MALRD1: variants seen among roughly 807,000 people sequenced by gnomAD.
MALRD1 encodes the protein MAM and LDL-receptor class A domain-containing protein 1.
A neutral mutation model predicts 242.1 loss-of-function variants in MALRD1; 247 were observed. The observed-to-expected ratio is 1.02, with a 90% CI of 0.92 to 1.13. The LOEUF is 1.13. Ranked by LOEUF, MALRD1 falls within the 50% of genes most tolerant of loss-of-function variation. The probability of loss-of-function intolerance (pLI) is 0.00; values close to 1 mark genes in which losing one functional copy is unlikely to be tolerated. For synonymous variants in MALRD1, 995 were observed against 866.6 expected (o/e 1.15, Z -2.60); for missense variants, 2,989 against 2,533.1 (o/e 1.18, Z -3.86).
At chr10:19,207,217 G>A (rs2131623294) in intron 17 of MALRD1, among the ~76,000 whole-genome samples, 1 of 152,136 alleles carries the variant, frequency 6.6e-6, no homozygotes. Context: ...AAGCTAAAAT[G>A]TAGAACTACT....
At chr10:19,628,044 T>C (rs1839746080) in intron 36 of MALRD1, among the ~76,000 whole-genome samples, 1 of 151,818 alleles carries the variant, frequency 6.6e-6, no homozygotes, top group African/African-American at 2.4e-5. Flanking sequence ...ATTGCACTAA[T>C]GCATAAATGC....
intron 28 of MALRD1, among the ~76,000 whole-genome samples, chr10:19,415,142 A>G (rs985365302): frequency 2.0e-5 from 3 of 152,216 alleles, no homozygotes; most frequent in African/African-American, 7.2e-5. Flanking sequence ...CACCAAAACT[A>G]TAATTCAATA....
chr10:19,416,929 T>A (rs993840708), intron 28 of MALRD1, among the ~76,000 whole-genome samples: 1 of 152,190 alleles, frequency 6.6e-6, no homozygotes, highest in Non-Finnish European at 1.5e-5. Flanking sequence ...CTTGGGAAGG[T>A]CATCAGTTTC....
chr10:19,306,770 GC>G (rs1417226412), intron 21 of MALRD1, among the ~76,000 whole-genome samples: 11 of 150,866 alleles, frequency 7.3e-5, no homozygotes, highest in Admixed American at 6.7e-5. Flanking sequence ...AGAAGGGGAA[GC>G]AAACGTTTCC....
At chr10:19,305,954 T>C (rs1384626017) in intron 21 of MALRD1, among the ~76,000 whole-genome samples, 3 of 127,940 alleles carry the variant, frequency 2.3e-5, no homozygotes, top group Admixed American at 9.0e-5. Flanking sequence ...CTATATATTA[T>C]ATATACTATA....
intron 36 of MALRD1, among the ~76,000 whole-genome samples, chr10:19,635,667 G>T (rs1360353796): frequency 3.3e-5 from 5 of 152,106 alleles, no homozygotes; most frequent in Non-Finnish European, 7.4e-5. Context: ...ATTTCTAGAA[G>T]TCTTAGCTAA....
intron 21 of MALRD1, among the ~76,000 whole-genome samples, chr10:19,305,320 T>A (rs142713425): frequency 6.6e-6 from 1 of 151,674 alleles, no homozygotes; most frequent in Non-Finnish European, 1.5e-5. Context: ...TTCAAAAATC[T>A]AGCTGAAATT....
At chr10:19,354,787 G>A (rs1844550243) in intron 26 of MALRD1, among the ~76,000 whole-genome samples, 1 of 152,086 alleles carries the variant, frequency 6.6e-6, no homozygotes, top group Admixed American at 6.6e-5. Context: ...ATAAATGTTT[G>A]AGGTGATGGT....
At chr10:19,504,353 T>G (rs1445526986) in intron 31 of MALRD1, among the ~76,000 whole-genome samples, 1 of 152,122 alleles carries the variant, frequency 6.6e-6, no homozygotes, top group Non-Finnish European at 1.5e-5. Flanking sequence ...CCCCTTAACC[T>G]TCGTATTCAG....
chr10:19,601,687 A>G (rs1050383614), intron 34 of MALRD1, among the ~76,000 whole-genome samples: 1 of 152,034 alleles, frequency 6.6e-6, no homozygotes, highest in Admixed American at 6.6e-5. Flanking sequence ...TGAACTTATA[A>G]CACTTATAAA....
intron 2 of MALRD1, among the ~76,000 whole-genome samples, chr10:19,067,894 T>C (rs1835028215): frequency 6.6e-6 from 1 of 152,150 alleles, no homozygotes. Flanking sequence ...GTTTCTTAAT[T>C]TGTTTGGCTT....
chr10:19,285,208 T>C (rs1392642538), intron 21 of MALRD1, among the ~76,000 whole-genome samples: 1 of 145,210 alleles, frequency 6.9e-6, no homozygotes, highest in Non-Finnish European at 1.5e-5. Flanking sequence ...AGGTTTCCTG[T>C]TCACTCTGAT....
At chr10:19,387,794 A>G in intron 27 of MALRD1, 21 bp downstream of exon 27, 2 of 1,538,898 alleles carry the variant, frequency 1.3e-6, no homozygotes, top group Non-Finnish European at 1.8e-6. Context: ...AGATTGTTGT[A>G]ATTGCTTTCA....
Position 19,617,631 on chromosome 10 carries a change from G to T in MALRD1, c.6137+1708G>T, listed in dbSNP as rs537472370. Among the ~76,000 whole-genome samples, 3 of 152,052 alleles carry T rather than the reference G, an allele frequency of 2.0e-5. 1 individual carries two copies. In the South Asian group the frequency reaches 6.2e-4, roughly 32 times the overall value. ...TATACAGTAGTATATCAGGCAAAAA[G>T]TAGAACTCTTGACACTCAAATCCTA... is the stretch of plus-strand genomic sequence containing the variant. On this transcript the variant is annotated intron_variant, in intron 36 of 39. Transcript: ENST00000454679.
At chr10:19,683,743 A>AT (rs1037673469) in intron 36 of MALRD1, among the ~76,000 whole-genome samples, 47 of 152,234 alleles carry the variant, frequency 3.1e-4, no homozygotes, top group Non-Finnish European at 5.4e-4. Context: ...ATTACAAATG[A>AT]TTTTTTATAC....
At chr10:19,145,333 G>C (rs1833691345) in intron 10 of MALRD1, among the ~76,000 whole-genome samples, 1 of 152,092 alleles carries the variant, frequency 6.6e-6, no homozygotes, top group African/African-American at 2.4e-5. Flanking sequence ...GGCAACTTTT[G>C]AGTTATGTAT....
chr10:19,606,779 A>G (rs1285451403), intron 34 of MALRD1, among the ~76,000 whole-genome samples: 2 of 152,106 alleles, frequency 1.3e-5, no homozygotes, highest in Non-Finnish European at 2.9e-5. Flanking sequence ...AGCAAGCAGG[A>G]TAACAGAGGA....
At chr10:19,421,678 G>GT (rs1219231768) in intron 28 of MALRD1, among the ~76,000 whole-genome samples, 3 of 152,130 alleles carry the variant, frequency 2.0e-5, no homozygotes, top group Admixed American at 1.3e-4. Context: ...TGTTAATAAG[G>GT]TTAAAAACAT....
At chr10:19,443,866 T>C (rs1834808964) in intron 28 of MALRD1, among the ~76,000 whole-genome samples, 1 of 152,234 alleles carries the variant, frequency 6.6e-6, no homozygotes, top group Non-Finnish European at 1.5e-5. Context: ...GTTCAAGTCC[T>C]GGATATCCTT....
Sources: allele counts gnomAD v4.1 joint callset (sites outside exome capture counted in the v4.1 genomes callset), GRCh38; gene constraint gnomAD v4.1.1; transcripts MANE v1.5; gene names NCBI Gene and HGNC (gene_info 2026-07-23, HGNC 2026-07-21).